L3MBTL4: variants seen among roughly 807,000 people sequenced by gnomAD.
L3MBTL4 encodes lethal(3)malignant brain tumor-like protein 4.
Under a neutral mutation model 84.5 loss-of-function variants are expected in L3MBTL4, and 70 were observed. The ratio of observed to expected loss-of-function variants is 0.83; its 90% CI spans 0.68 to 1.01. L3MBTL4 has a LOEUF of 1.01. L3MBTL4 is among the 50% of genes least tolerant of loss of function. The pLI is 0.00. For synonymous variants in L3MBTL4, 274 were observed against 259.8 expected, an observed-to-expected ratio of 1.05 and a Z score of -0.52; for missense variants, 715 against 754.8, an observed-to-expected ratio of 0.95 and a Z score of 0.62.
chr18:6,035,449 A>G (rs2056083179), intron 16 of L3MBTL4, among the ~76,000 whole-genome samples: 1 of 150,518 alleles, frequency 6.6e-6, no homozygotes, highest in African/African-American at 2.4e-5. Context: ...GTCAAAGATC[A>G]GATAGTTGTA....
chr18:6,242,099 C>T (rs1313678440), intron 7 of L3MBTL4, among the ~76,000 whole-genome samples: 1 of 152,224 alleles, frequency 6.6e-6, no homozygotes, highest in African/African-American at 2.4e-5. Context: ...TGGTTCTGAG[C>T]ACCAGCCTTG....
intron 5 of L3MBTL4, among the ~76,000 whole-genome samples, chr18:6,253,221 C>CAAAA (rs1410863344): frequency 7.7e-4 from 112 of 146,158 alleles, no homozygotes; most frequent in Non-Finnish European, 1.2e-3. Flanking sequence ...AACAAACAAA[C>CAAAA]AAAAAACCCT....
intron 16 of L3MBTL4, among the ~76,000 whole-genome samples, chr18:5,993,098 C>T (rs1157655077): frequency 6.6e-6 from 1 of 152,164 alleles, no homozygotes; most frequent in Non-Finnish European, 1.5e-5. Context: ...AGAAAGGTGG[C>T]CCTGGTGACC....
At chr18:6,122,704 T>C (rs2059569909) in intron 14 of L3MBTL4, among the ~76,000 whole-genome samples, 1 of 152,216 alleles carries the variant, frequency 6.6e-6, no homozygotes, top group Admixed American at 6.5e-5. Context: ...TACACAACCT[T>C]ACCCTCATTC....
At chr18:6,177,697 G>A (rs559354482) in intron 12 of L3MBTL4, among the ~76,000 whole-genome samples, 2 of 152,166 alleles carry the variant, frequency 1.3e-5, no homozygotes, top group East Asian at 1.9e-4. Context: ...ATCTTCTACT[G>A]ATGGCGATGT....
chr18:6,061,237 T>A (rs2057209267), intron 16 of L3MBTL4, among the ~76,000 whole-genome samples: 1 of 152,104 alleles, frequency 6.6e-6, no homozygotes, highest in South Asian at 2.1e-4. Flanking sequence ...TAATTTACAA[T>A]TCCCAAGTGA....
At chr18:6,255,779 C>CAAAAAAAAAAAAAAAAAAAAAAGGA (rs80253863) in intron 5 of L3MBTL4, among the ~76,000 whole-genome samples, 2 of 66,164 alleles carry the variant, frequency 3.0e-5, no homozygotes, top group Non-Finnish European at 7.1e-5. Context: ...ATATAAAAGG[C>CAAAAAAAAAAAAAAAAAAAAAAGGA]AAAAAAAAAA....
intron 14 of L3MBTL4, among the ~76,000 whole-genome samples, chr18:6,130,777 C>G (rs1039680418): frequency 1.3e-5 from 2 of 152,054 alleles, no homozygotes; most frequent in African/African-American, 4.8e-5. Context: ...TTAAATATTC[C>G]TATGTTAACA....
At chr18:6,266,218 C>A (rs996308282) in intron 4 of L3MBTL4, among the ~76,000 whole-genome samples, 6 of 152,212 alleles carry the variant, frequency 3.9e-5, no homozygotes, top group African/African-American at 1.4e-4. Flanking sequence ...TATGTCCACA[C>A]AACCAAACAC....
intron 16 of L3MBTL4, among the ~76,000 whole-genome samples, chr18:6,024,506 G>A (rs942241527): frequency 6.6e-6 from 1 of 152,112 alleles, no homozygotes; most frequent in Admixed American, 6.5e-5. Context: ...ATACATTCCA[G>A]GATATTGTTT....
chr18:6,125,055 T>C (rs920688145), intron 14 of L3MBTL4, among the ~76,000 whole-genome samples: 3 of 151,974 alleles, frequency 2.0e-5, no homozygotes, highest in Non-Finnish European at 4.4e-5. Flanking sequence ...TAAATGTAGG[T>C]TTAGAAACGC....
intron 13 of L3MBTL4, among the ~76,000 whole-genome samples, chr18:6,151,660 G>T (rs759894647): frequency 6.6e-6 from 1 of 152,128 alleles, no homozygotes; most frequent in African/African-American, 2.4e-5. Context: ...CTCCCAAAGT[G>T]CTGGGATTAC....
At chr18:5,958,337 T>C (rs2095245128) in intron 18 of L3MBTL4, among the ~76,000 whole-genome samples, 1 of 152,134 alleles carries the variant, frequency 6.6e-6, no homozygotes, top group African/African-American at 2.4e-5. Flanking sequence ...GACTCATCCA[T>C]CTAGAGGAGG....
At chr18:6,039,900 C>A (rs1372082404) in intron 16 of L3MBTL4, among the ~76,000 whole-genome samples, 1 of 152,092 alleles carries the variant, frequency 6.6e-6, no homozygotes, top group East Asian at 1.9e-4. Context: ...ACAAAACTTA[C>A]AATAATAAAA....
intron 16 of L3MBTL4, among the ~76,000 whole-genome samples, chr18:6,015,336 C>G (rs559842888): frequency 4.3e-4 from 65 of 152,068 alleles, no homozygotes; most frequent in Non-Finnish European, 7.2e-4. Context: ...GCCAGAAGGA[C>G]ATGGTGTTTG....
chr18:6,288,800 A>T (rs1341766292), intron 4 of L3MBTL4, among the ~76,000 whole-genome samples: 6 of 151,880 alleles, frequency 4.0e-5, no homozygotes, highest in African/African-American at 1.4e-4. Context: ...AATAAATGTT[A>T]GGTAATGGTA....
intron 14 of L3MBTL4, among the ~76,000 whole-genome samples, chr18:6,095,613 G>A (rs7235879): frequency 1.3e-5 from 2 of 152,170 alleles, no homozygotes; most frequent in African/African-American, 4.8e-5. Context: ...GCCTCCCGAA[G>A]TGCTGGGATT....
At chr18:5,964,024 G>A (rs911663296) in intron 17 of L3MBTL4, among the ~76,000 whole-genome samples, 1 of 152,226 alleles carries the variant, frequency 6.6e-6, no homozygotes, top group Non-Finnish European at 1.5e-5. Context: ...CTTGGCTTTG[G>A]CTCTGGGCAG....
At chr18:6,272,032 C>G (rs2048893736) in intron 4 of L3MBTL4, among the ~76,000 whole-genome samples, 1 of 152,022 alleles carries the variant, frequency 6.6e-6, no homozygotes, top group Non-Finnish European at 1.5e-5. Flanking sequence ...AAGCTCTTGA[C>G]GGGGAAAAAG....
Sources: allele counts gnomAD v4.1 joint callset (sites outside exome capture counted in the v4.1 genomes callset), GRCh38; gene constraint gnomAD v4.1.1; transcripts MANE v1.5; gene names NCBI Gene and HGNC (gene_info 2026-07-23, HGNC 2026-07-21).